Variants in MARCHF1 observed in about 807,000 individuals in gnomAD.
MARCHF1 encodes the protein E3 ubiquitin-protein ligase MARCHF1.
MARCHF1 carries 40 observed loss-of-function variants against 54.2 expected under a neutral mutation model. That is an observed-to-expected ratio of 0.74 (90% CI 0.57 to 0.96). The LOEUF is 0.96. Among genes scored for constraint, MARCHF1 ranks in the 40% least tolerant of loss-of-function variants. The pLI, the probability that MARCHF1 is intolerant of heterozygous loss-of-function variation, is 0.00. For missense variants in MARCHF1, 586 were observed against 656.5 expected (o/e 0.89, Z 1.17); for synonymous variants, 236 against 236.3 (o/e 1.00, Z 0.01).
At chr4:164,316,307 C>T (rs904275148) in intron 1 of MARCHF1, among the ~76,000 whole-genome samples, 2 of 152,116 alleles carry the variant, frequency 1.3e-5, no homozygotes, top group East Asian at 3.9e-4. Flanking sequence ...AAAATAAGCA[C>T]GAATAAGTCA....
chr4:163,593,030 C>T (rs930421969), intron 7 of MARCHF1, among the ~76,000 whole-genome samples: 4 of 152,074 alleles, frequency 2.6e-5, no homozygotes, highest in East Asian at 1.9e-4. Flanking sequence ...TGTTAACCAT[C>T]GCTTTACTGC....
intron 3 of MARCHF1, among the ~76,000 whole-genome samples, chr4:163,968,648 G>A (rs1027172520): frequency 2.6e-5 from 4 of 151,986 alleles, no homozygotes; most frequent in Non-Finnish European, 4.4e-5. Context: ...ATGGTTCTGG[G>A]GACCTCTTCC....
intron 3 of MARCHF1, among the ~76,000 whole-genome samples, chr4:163,931,580 A>G (rs1297684183): frequency 6.6e-6 from 1 of 152,142 alleles, no homozygotes; most frequent in Non-Finnish European, 1.5e-5. Context: ...TAAATCTTGG[A>G]CTTCTCAGCT....
chr4:164,164,470 GAATA>G (rs1444681787), intron 1 of MARCHF1, among the ~76,000 whole-genome samples: 2 of 151,896 alleles, frequency 1.3e-5, no homozygotes, highest in Admixed American at 6.6e-5. Flanking sequence ...AAGATATTAT[GAATA>G]AATAAACATT....
intron 8 of MARCHF1, among the ~76,000 whole-genome samples, chr4:163,570,828 A>G (rs1050534697): frequency 1.3e-5 from 2 of 152,150 alleles, no homozygotes; most frequent in Non-Finnish European, 2.9e-5. Flanking sequence ...GAGTAGGCAC[A>G]TCTATTTCAG....
intron 8 of MARCHF1, among the ~76,000 whole-genome samples, chr4:163,572,328 T>G (rs1739866817): frequency 6.6e-6 from 1 of 151,562 alleles, no homozygotes; most frequent in Non-Finnish European, 1.5e-5. Flanking sequence ...CCTTTTTTTT[T>G]TTTTTTAAAT....
chr4:164,176,282 G>A (rs1730660839), intron 1 of MARCHF1, among the ~76,000 whole-genome samples: 1 of 152,168 alleles, frequency 6.6e-6, no homozygotes, highest in Admixed American at 6.5e-5. Context: ...GGTCTTCACT[G>A]ATGTAGTGTT....
At chr4:163,897,901 A>AC (rs33934757) in intron 3 of MARCHF1, among the ~76,000 whole-genome samples, 1 of 151,068 alleles carries the variant, frequency 6.6e-6, no homozygotes, top group Non-Finnish European at 1.5e-5. Flanking sequence ...CTAAAAAAAA[A>AC]CACTAAAAAA....
intron 9 of MARCHF1, among the ~76,000 whole-genome samples, chr4:163,533,030 C>G (rs1265814386): frequency 1.3e-5 from 2 of 151,916 alleles, no homozygotes; most frequent in South Asian, 2.1e-4. Context: ...CAAAAACTTA[C>G]GTCCACACAA....
At chr4:163,876,004 G>A (rs1335455322) in intron 3 of MARCHF1, among the ~76,000 whole-genome samples, 1 of 152,046 alleles carries the variant, frequency 6.6e-6, no homozygotes, top group East Asian at 1.9e-4. Flanking sequence ...AGCGATAAAG[G>A]AAAGTAAATA....
At chr4:163,602,931 T>C (rs1320971592) in intron 7 of MARCHF1, among the ~76,000 whole-genome samples, 1 of 152,096 alleles carries the variant, frequency 6.6e-6, no homozygotes, top group African/African-American at 2.4e-5. Flanking sequence ...TGATTAAATA[T>C]TGGATATTAA....
chr4:163,607,018 C>T (rs944046637), intron 7 of MARCHF1, among the ~76,000 whole-genome samples: 1 of 152,054 alleles, frequency 6.6e-6, no homozygotes, highest in Non-Finnish European at 1.5e-5. Flanking sequence ...TCTGGCCAGA[C>T]TATCTCTTCC....
chr4:163,828,372 G>C (rs1748915225), intron 4 of MARCHF1, among the ~76,000 whole-genome samples: 1 of 151,852 alleles, frequency 6.6e-6, no homozygotes, highest in African/African-American at 2.4e-5. Context: ...CTCATTTTTG[G>C]ATGAAACCTA....
chr4:164,323,533 T>C (rs1735194739), intron 1 of MARCHF1, among the ~76,000 whole-genome samples: 1 of 132,928 alleles, frequency 7.5e-6, no homozygotes, highest in Non-Finnish European at 1.6e-5. Flanking sequence ...TGAATATAAG[T>C]TCAAAACTTC....
At chr4:163,685,083 A>G (rs1329459216) in intron 5 of MARCHF1, among the ~76,000 whole-genome samples, 1 of 152,242 alleles carries the variant, frequency 6.6e-6, no homozygotes, top group East Asian at 1.9e-4. Flanking sequence ...GTCCTGCTTA[A>G]CATTGTGAAT....
chr4:163,581,985 C>T (rs547720483), intron 8 of MARCHF1, among the ~76,000 whole-genome samples: 3 of 152,232 alleles, frequency 2.0e-5, no homozygotes, highest in African/African-American at 7.2e-5. Context: ...TAGAGTATTA[C>T]AGAAAAAATA....
chr4:163,805,754 C>G (rs1338616981), intron 4 of MARCHF1, among the ~76,000 whole-genome samples: 2 of 152,118 alleles, frequency 1.3e-5, no homozygotes, highest in Non-Finnish European at 2.9e-5. Context: ...ACATTAGTTG[C>G]TCTGACACGA....
intron 1 of MARCHF1, among the ~76,000 whole-genome samples, chr4:164,181,269 C>A (rs1306988018): frequency 6.6e-6 from 1 of 152,100 alleles, no homozygotes; most frequent in East Asian, 1.9e-4. Flanking sequence ...AATGTTAGCT[C>A]CCAAATTAGG....
At chr4:163,835,250 T>G (rs1370974253) in intron 4 of MARCHF1, among the ~76,000 whole-genome samples, 1 of 149,714 alleles carries the variant, frequency 6.7e-6, no homozygotes, top group Admixed American at 6.6e-5. Flanking sequence ...GATAGCATTC[T>G]TCTTATCATT....
Sources: allele counts gnomAD v4.1 joint callset (sites outside exome capture counted in the v4.1 genomes callset), GRCh38; gene constraint gnomAD v4.1.1; transcripts MANE v1.5; gene names NCBI Gene and HGNC (gene_info 2026-07-23, HGNC 2026-07-21).